SMYD3: variants seen among roughly 807,000 people sequenced by gnomAD.
SMYD3 encodes SET and MYND domain containing 3.
Under a neutral mutation model 57.7 loss-of-function variants are expected in SMYD3, and 36 were observed. The observed-to-expected ratio is 0.62, with a 90% CI of 0.48 to 0.82. SMYD3 has a LOEUF of 0.82. Among genes scored for constraint, SMYD3 ranks in the 40% least tolerant of loss-of-function variants. The probability of loss-of-function intolerance (pLI) is 0.00; values close to 1 mark genes in which losing one functional copy is unlikely to be tolerated. For missense variants in SMYD3, 515 were observed against 538.8 expected, an observed-to-expected ratio of 0.96 and a Z score of 0.44; for synonymous variants, 211 against 195.0, an observed-to-expected ratio of 1.08 and a Z score of -0.68.
Position 246,268,417 on chromosome 1 carries a change from C to T in SMYD3, c.531+58784G>A, listed in dbSNP as rs903508797. On this transcript the variant is annotated intron_variant, in intron 5 of 11. Coordinates refer to ENST00000490107, the MANE Select transcript of SMYD3 (RefSeq NM_001167740.2). Reference sequence around the variant, plus strand: ...GTTTAGCATATCATTAGGAAATAACCGGCCAGGCGCAGTGGCTCACGCCTG... The same window carrying T: ...GTTTAGCATATCATTAGGAAATAACTGGCCAGGCGCAGTGGCTCACGCCTG... Among the ~76,000 whole-genome samples, 5 of 152,006 alleles carry T rather than the reference C, an allele frequency of 3.3e-5. No homozygotes were observed. In the South Asian group the frequency reaches 6.2e-4, roughly 19 times the overall value.
At chr1:245,834,392 C>T (rs752528745) in intron 10 of SMYD3, among the ~76,000 whole-genome samples, 2 of 152,150 alleles carry the variant, frequency 1.3e-5, no homozygotes, top group African/African-American at 2.4e-5. Context: ...GGTAAGCATG[C>T]GAACACTGAG....
At chr1:246,217,016 C>T (rs2063175386) in intron 5 of SMYD3, among the ~76,000 whole-genome samples, 1 of 152,058 alleles carries the variant, frequency 6.6e-6, no homozygotes, top group Non-Finnish European at 1.5e-5. Flanking sequence ...AAATCTATTC[C>T]ACACAAGGGA....
intron 5 of SMYD3, among the ~76,000 whole-genome samples, chr1:245,964,033 G>A (rs2058077376): frequency 6.6e-6 from 1 of 152,198 alleles, no homozygotes; most frequent in Non-Finnish European, 1.5e-5. Flanking sequence ...CGGCTCTGCA[G>A]GCCATACATG....
At chr1:245,958,164 G>T (rs2057905175) in intron 5 of SMYD3, among the ~76,000 whole-genome samples, 1 of 152,162 alleles carries the variant, frequency 6.6e-6, no homozygotes, top group African/African-American at 2.4e-5. Context: ...GGCTTCTAAG[G>T]CTCAAAGAGG....
intron 10 of SMYD3, among the ~76,000 whole-genome samples, chr1:245,826,583 C>T (rs2049507364): frequency 6.6e-6 from 1 of 152,130 alleles, no homozygotes; most frequent in African/African-American, 2.4e-5. Context: ...CTTAAATGAC[C>T]CATTTCATCA....
chr1:246,149,303 G>A (rs545493644), intron 5 of SMYD3, among the ~76,000 whole-genome samples: 43 of 152,264 alleles, frequency 2.8e-4, no homozygotes, highest in African/African-American at 8.9e-4. Flanking sequence ...TGAAGAGCAG[G>A]GCTCGACTTA....
intron 1 of SMYD3, among the ~76,000 whole-genome samples, chr1:246,463,144 G>A (rs758268992): frequency 8.5e-5 from 13 of 152,264 alleles, no homozygotes; most frequent in South Asian, 4.2e-4. Flanking sequence ...GCCCTGAACC[G>A]AGAACAGTAG....
intron 5 of SMYD3, among the ~76,000 whole-genome samples, chr1:246,261,115 G>C (rs1310190584): frequency 6.6e-6 from 1 of 152,104 alleles, no homozygotes; most frequent in Non-Finnish European, 1.5e-5. Flanking sequence ...CTGGAGTGCA[G>C]TGGCACCATC....
At chr1:246,299,893 G>A (rs1006301208) in intron 5 of SMYD3, among the ~76,000 whole-genome samples, 2 of 78,342 alleles carry the variant, frequency 2.6e-5, no homozygotes, top group African/African-American at 6.6e-5. Flanking sequence ...GTACTAGGCT[G>A]AAAAATGACT....
intron 5 of SMYD3, among the ~76,000 whole-genome samples, chr1:245,957,590 G>A (rs1254431802): frequency 5.9e-5 from 9 of 152,132 alleles, no homozygotes; most frequent in Non-Finnish European, 1.5e-5. Flanking sequence ...ACACCCGCTT[G>A]GATTCATGCC....
chr1:246,264,041 G>GT (rs35429908), intron 5 of SMYD3, among the ~76,000 whole-genome samples: 221 of 148,464 alleles, frequency 1.5e-3, no homozygotes, highest in Middle Eastern at 7.1e-3. Context: ...AGAAATAAAT[G>GT]TTTTTTTTTT....
intron 10 of SMYD3, among the ~76,000 whole-genome samples, chr1:245,814,862 GCACA>G (rs150013782): frequency 0.057 from 8,371 of 147,364 alleles, 760 homozygotes; most frequent in African/African-American, 0.2. Context: ...ACACACGCAA[GCACA>G]CACACACGCA....
intron 1 of SMYD3, among the ~76,000 whole-genome samples, chr1:246,442,120 C>T (rs1249347138): frequency 1.3e-5 from 2 of 152,196 alleles, no homozygotes; most frequent in Admixed American, 6.5e-5. Flanking sequence ...AATGTGTAAG[C>T]GCTGTGGGAG....
chr1:246,506,996 C>CCCCCCCCA, intron 1 of SMYD3, 58 bp downstream of exon 1: 1 of 815,822 alleles, frequency 1.2e-6, no homozygotes. Flanking sequence ...GACGCCCCCC[C>CCCCCCCCA]CTCCCCAGCA....
intron 1 of SMYD3, among the ~76,000 whole-genome samples, chr1:246,395,349 C>T (rs955502546): frequency 3.9e-5 from 6 of 152,226 alleles, no homozygotes; most frequent in Non-Finnish European, 8.8e-5. Context: ...TGTTTCAATG[C>T]TGTCTGAATA....
intron 5 of SMYD3, among the ~76,000 whole-genome samples, chr1:246,127,827 C>A (rs139081692): frequency 1.3e-5 from 2 of 151,592 alleles, no homozygotes; most frequent in African/African-American, 4.9e-5. Flanking sequence ...ACCTGGGAGG[C>A]GGAGGTTGCA....
At chr1:246,089,470 C>G (rs1181917412) in intron 5 of SMYD3, among the ~76,000 whole-genome samples, 3 of 152,150 alleles carry the variant, frequency 2.0e-5, no homozygotes. Flanking sequence ...GGGAAAGGTG[C>G]ATATCCAACC....
chr1:245,897,485 G>A (rs2053896924), intron 8 of SMYD3, among the ~76,000 whole-genome samples: 1 of 152,224 alleles, frequency 6.6e-6, no homozygotes, highest in South Asian at 2.1e-4. Context: ...AGGATTTGCA[G>A]TCACTGCTTT....
chr1:246,211,592 G>A (rs2063089722), intron 5 of SMYD3, among the ~76,000 whole-genome samples: 1 of 151,998 alleles, frequency 6.6e-6, no homozygotes, highest in South Asian at 2.1e-4. Flanking sequence ...TTTACCTTAG[G>A]AAAAAGGCAG....
Sources: gnomAD v4.1 joint callset for allele counts (sites outside exome capture counted in the v4.1 genomes callset) on GRCh38, gnomAD v4.1.1 for gene constraint, MANE v1.5 for transcripts, NCBI Gene and HGNC (gene_info 2026-07-23, HGNC 2026-07-21) for gene names.